The following MROH9 variants were observed in gnomAD, a reference collection of about 807,000 sequenced individuals.
MROH9 encodes the protein maestro heat-like repeat-containing protein family member 9.
A neutral mutation model predicts 98.2 loss-of-function variants in MROH9; 92 were observed. That is an observed-to-expected ratio of 0.94 (90% CI 0.79 to 1.11). The LOEUF is 1.11. MROH9 is among the 50% of genes most tolerant of loss of function. MROH9 has a pLI of 0.00. For synonymous variants in MROH9, 397 were observed against 368.9 expected (o/e 1.08, Z -0.87); for missense variants, 1,057 against 1,014.8 (o/e 1.04, Z -0.57).
intron 20 of MROH9, among the ~76,000 whole-genome samples, chr1:171,037,967 A>T (rs984439698): frequency 4.6e-5 from 7 of 151,978 alleles, no homozygotes; most frequent in Non-Finnish European, 1.0e-4. Flanking sequence ...TTAAAAAAGG[A>T]AACTATAATA....
intron 15 of MROH9, among the ~76,000 whole-genome samples, chr1:171,003,908 G>T (rs143157221): frequency 6.6e-6 from 1 of 152,230 alleles, no homozygotes; most frequent in East Asian, 1.9e-4. Flanking sequence ...CCTTGGGTGG[G>T]TCTTGCCATG....
chr1:171,047,986 T>C (rs1653517942), intron 20 of MROH9, among the ~76,000 whole-genome samples: 1 of 152,214 alleles, frequency 6.6e-6, no homozygotes, highest in Non-Finnish European at 1.5e-5. Flanking sequence ...TTTCTTCCCT[T>C]ACTTTTTGCC....
At chr1:171,060,823 A>G (rs1233387839) in intron 20 of MROH9, among the ~76,000 whole-genome samples, 1 of 152,236 alleles carries the variant, frequency 6.6e-6, no homozygotes, top group Non-Finnish European at 1.5e-5. Context: ...AGACAAGCAA[A>G]CATTTCCTGA....
chr1:171,016,477 G>C, intron 17 of MROH9, 141 bp downstream of exon 17: 1 of 583,544 alleles, frequency 1.7e-6, no homozygotes. Context: ...AAAATATTAG[G>C]TAAGTACTGG....
chr1:171,004,042 C>A (rs978097851), intron 15 of MROH9, among the ~76,000 whole-genome samples: 1 of 152,042 alleles, frequency 6.6e-6, no homozygotes, highest in African/African-American at 2.4e-5. Context: ...CAGTCACGAG[C>A]TTCACCCAGC....
intron 20 of MROH9, among the ~76,000 whole-genome samples, chr1:171,046,547 CA>C (rs1653478677): frequency 6.6e-6 from 1 of 152,112 alleles, no homozygotes; most frequent in African/African-American, 2.4e-5. Flanking sequence ...TTTGCATAAA[CA>C]AACAAGATGC....
At chr1:170,983,128 C>G (rs1650999028) in intron 8 of MROH9, among the ~76,000 whole-genome samples, 1 of 152,142 alleles carries the variant, frequency 6.6e-6, no homozygotes, top group African/African-American at 2.4e-5. Context: ...TTAGCATTAG[C>G]TTTTCCAGCA....
At chr1:171,019,802 A>T (rs1267842556) in intron 17 of MROH9, among the ~76,000 whole-genome samples, 2 of 152,118 alleles carry the variant, frequency 1.3e-5, no homozygotes, top group Admixed American at 6.6e-5. Context: ...GACACAAAAA[A>T]CTCTTCAAAA....
intron 13 of MROH9, among the ~76,000 whole-genome samples, chr1:170,995,806 T>G (rs756218575): frequency 1.5e-4 from 23 of 152,134 alleles, no homozygotes; most frequent in Non-Finnish European, 2.5e-4. Context: ...ATCAGATCAG[T>G]AAGAGACTAC....
rs890313804 is a variant in MROH9, at chr1:171,016,472, A to G, written c.1908+136A>G. 10 of 625,288 alleles carry G rather than the reference A, an allele frequency of 1.6e-5. No individual in the cohort carries two copies. In the African/African-American group the frequency reaches 1.7e-4, roughly 11 times the overall value. 38.7% of individuals were successfully genotyped at this position (625,288 alleles called of 1,614,324 possible). ...CCATTTCTTTTACAGAGATAAAAAT[A>G]TTAGGTAAGTACTGGTCTTTTTTTT... On this transcript the variant is annotated intron_variant, in intron 17 of 21. Coordinates refer to ENST00000367759, the MANE Select transcript of MROH9 (RefSeq NM_001163629.2).
chr1:170,937,692 T>A (rs1018600434), intron 1 of MROH9, among the ~76,000 whole-genome samples: 2 of 151,538 alleles, frequency 1.3e-5, no homozygotes, highest in Non-Finnish European at 2.9e-5. Context: ...CGGCTAATTT[T>A]TTTTGTATTT....
At chr1:171,032,174 C>T (rs1223870421) in intron 20 of MROH9, among the ~76,000 whole-genome samples, 1 of 152,148 alleles carries the variant, frequency 6.6e-6, no homozygotes, top group Non-Finnish European at 1.5e-5. Context: ...GTTAGCAGCT[C>T]CTATAACCTT....
chr1:171,035,707 T>C (rs1653078857), intron 20 of MROH9, among the ~76,000 whole-genome samples: 2 of 152,128 alleles, frequency 1.3e-5, no homozygotes, highest in Admixed American at 6.6e-5. Flanking sequence ...AAAATGCAAA[T>C]TGAAACCATA....
Position 170,983,541 on chromosome 1 carries a change from T to C in MROH9, c.729+7T>C, listed in dbSNP as rs1448473311. On this transcript the variant is annotated splice_region_variant and intron_variant, in intron 9 of 21. Transcript: ENST00000367759. Reference sequence around the variant, plus strand: ...CGAAAGTAAAATAGCTCAGGTAACTTAGCCCCCACTTTTTCCGAGGGCTTT... The same window carrying C: ...CGAAAGTAAAATAGCTCAGGTAACTCAGCCCCCACTTTTTCCGAGGGCTTT... 1.2e-5 allele frequency: 19 copies of C among 1,534,214 alleles called. No homozygotes were observed. The highest frequency in any genetic ancestry group is 1.6e-5 in the Non-Finnish European group (18 of 1,109,550).
chr1:171,044,495 T>C (rs1233958624), intron 20 of MROH9, among the ~76,000 whole-genome samples: 1 of 152,200 alleles, frequency 6.6e-6, no homozygotes, highest in Non-Finnish European at 1.5e-5. Flanking sequence ...ATTGGAAGTA[T>C]ACCCTCCTCC....
At chr1:171,026,404 A>G (rs1384244096) in intron 20 of MROH9, among the ~76,000 whole-genome samples, 2 of 151,960 alleles carry the variant, frequency 1.3e-5, no homozygotes, top group African/African-American at 4.8e-5. Flanking sequence ...CCTCTAGAGT[A>G]GCTGGGATTA....
intron 9 of MROH9, 31 bp from the exon 10 acceptor site, chr1:170,986,530 C>G (rs1651138036): frequency 5.0e-6 from 8 of 1,603,088 alleles, no homozygotes; most frequent in Non-Finnish European, 6.8e-6. Flanking sequence ...TGAGTAAGGC[C>G]TGAGGTCATG....
intron 20 of MROH9, among the ~76,000 whole-genome samples, chr1:171,028,360 G>C (rs1652796021): frequency 6.6e-6 from 1 of 152,052 alleles, no homozygotes. Context: ...TATTTCTGAG[G>C]TCTCTGTTCT....
intron 15 of MROH9, among the ~76,000 whole-genome samples, chr1:171,004,576 C>T (rs563104527): frequency 4.7e-4 from 72 of 152,294 alleles, no homozygotes; most frequent in African/African-American, 1.3e-3. Context: ...TTCTCACTTC[C>T]GCGGTTGGGG....
Sources: gnomAD v4.1 joint callset for allele counts (sites outside exome capture counted in the v4.1 genomes callset) on GRCh38, gnomAD v4.1.1 for gene constraint, MANE v1.5 for transcripts, NCBI Gene and HGNC (gene_info 2026-07-23, HGNC 2026-07-21) for gene names.